SLCO3A1: variants seen among roughly 807,000 people sequenced by gnomAD.
The protein encoded by SLCO3A1 is PGE1 transporter.
In SLCO3A1, 27 loss-of-function variants were observed where a neutral mutation model predicts 63.1. That is an observed-to-expected ratio of 0.43 (90% confidence interval 0.32 to 0.59). The LOEUF (loss-of-function observed/expected upper bound fraction) is 0.59, where lower values mean the gene tolerates loss of function less well. SLCO3A1 is among the 20% of genes least tolerant of loss of function. The pLI, the probability that SLCO3A1 is intolerant of heterozygous loss-of-function variation, is 0.09. For missense variants in SLCO3A1, 773 were observed against 945.8 expected, an observed-to-expected ratio of 0.82 and a Z score of 2.40; for synonymous variants, 473 against 409.9, an observed-to-expected ratio of 1.15 and a Z score of -1.86.
chr15:92,153,835 C>T (rs1043175906), intron 9 of SLCO3A1, among the ~76,000 whole-genome samples: 2 of 152,014 alleles, frequency 1.3e-5, no homozygotes, highest in Non-Finnish European at 2.9e-5. Context: ...TGTTTGGGGG[C>T]TGCAGAAGGC....
intron 2 of SLCO3A1, among the ~76,000 whole-genome samples, chr15:91,924,275 A>C (rs772193301): frequency 2.9e-4 from 44 of 152,094 alleles, no homozygotes; most frequent in Admixed American, 1.0e-3. Context: ...TGGGAGTGCA[A>C]AGTTAGTGTT....
Position 91,886,156 on chromosome 15 carries a change from C to G in SLCO3A1, c.181-29837C>G, listed in dbSNP as rs1365267167. On this transcript the variant is annotated intron_variant, in intron 1 of 9. Transcript: ENST00000318445. The surrounding 1 kb of genome is among the most constrained non-coding windows in gnomAD (Gnocchi z 4.9). ...CTGCATTTTTGCCTTTGATTGTTCCCTTTCTTGAGTGTGTCCTGCGCTTCC... is the reference window on the plus strand; with the variant it reads ...CTGCATTTTTGCCTTTGATTGTTCCGTTTCTTGAGTGTGTCCTGCGCTTCC... Among the ~76,000 whole-genome samples the G allele has an allele frequency of 6.6e-6, 1 of 152,184 alleles. No individual in the cohort carries two copies. The highest frequency in any genetic ancestry group is 1.9e-4 in the East Asian group (1 of 5,192).
At chr15:91,986,071 A>G (rs941192636) in intron 2 of SLCO3A1, among the ~76,000 whole-genome samples, 1 of 152,190 alleles carries the variant, frequency 6.6e-6, no homozygotes, top group Non-Finnish European at 1.5e-5. Flanking sequence ...GAGGAGCGTG[A>G]CAAGGTGAAA....
chr15:91,957,486 C>T (rs1053094974), intron 2 of SLCO3A1, among the ~76,000 whole-genome samples: 15 of 151,970 alleles, frequency 9.9e-5, no homozygotes, highest in Non-Finnish European at 1.9e-4. Flanking sequence ...CTGGTGGCAT[C>T]TTCTTGCTTT....
intron 2 of SLCO3A1, among the ~76,000 whole-genome samples, chr15:91,964,743 GTT>G (rs538771710): frequency 5.1e-5 from 7 of 136,014 alleles, no homozygotes; most frequent in African/African-American, 1.8e-4. Context: ...AAATTAGATA[GTT>G]TTTTTTTTTT....
At chr15:92,143,985 G>A (rs1054109055) in intron 7 of SLCO3A1, among the ~76,000 whole-genome samples, 2 of 152,212 alleles carry the variant, frequency 1.3e-5, no homozygotes, top group African/African-American at 2.4e-5. Flanking sequence ...TGGGCATGGC[G>A]CCTCCACTGG....
At chr15:91,964,766 C>T (rs901639120) in intron 2 of SLCO3A1, among the ~76,000 whole-genome samples, 1 of 151,026 alleles carries the variant, frequency 6.6e-6, no homozygotes, top group Admixed American at 6.6e-5. Flanking sequence ...TAATGTACTT[C>T]GAGTATGTTC....
chr15:92,038,909 T>C (rs766415157), intron 2 of SLCO3A1, among the ~76,000 whole-genome samples: 18 of 152,094 alleles, frequency 1.2e-4, no homozygotes, highest in Non-Finnish European at 2.6e-4. Context: ...AAAAGACATA[T>C]AGACCAATGG....
At position 91,916,537 on chromosome 15, in the gene SLCO3A1, T is replaced by G; in HGVS notation, c.646+79T>G. Reference sequence around the variant, plus strand: ...TAAAAGGTGGCCTGGTGGACTTTGATTTTGCCAGAGTACTGGTTCTCAGAC... The same window carrying G: ...TAAAAGGTGGCCTGGTGGACTTTGAGTTTGCCAGAGTACTGGTTCTCAGAC... On this transcript the variant is annotated intron_variant, in intron 2 of 9. Transcript: ENST00000318445. The surrounding 1 kb of genome is among the most constrained non-coding windows in gnomAD (Gnocchi z 6.2). 1.8e-6 allele frequency: 2 copies of G among 1,121,558 alleles called. No individual in the cohort carries two copies. The highest frequency in any genetic ancestry group is 2.5e-6 in the Non-Finnish European group (2 of 789,306). 69.5% of individuals were successfully genotyped at this position (1,121,558 alleles called of 1,614,324 possible).
Position 92,126,236 on chromosome 15 carries a change from G to T in SLCO3A1, c.1350G>T (p.Gly450=), listed in dbSNP as rs1471220623. ...FLGCDTGPVA[G]VTVPYGNSTA... is the part of the protein sequence containing the mutation. ...GCTGCGACACTGGCCCTGTGGCTGG[G>T]GTTACTGTTCCCTATGGAAACAGGT... Residue 450 remains glycine (G), a synonymous_variant, in exon 6 of 10, where the codon GGG becomes GGT. Coordinates refer to ENST00000318445, the MANE Select transcript of SLCO3A1 (RefSeq NM_013272.4). The T allele has an allele frequency of 1.9e-6, 3 of 1,613,882 alleles. No individual in the cohort carries two copies. Among genetic ancestry groups the T allele is most frequent in the African/African-American group, 1.3e-5 (1 of 74,868 alleles).
downstream of SLCO3A1, among the ~76,000 whole-genome samples, chr15:92,168,965 C>T (rs779665287): frequency 5.3e-5 from 8 of 152,136 alleles, no homozygotes; most frequent in East Asian, 1.9e-4. Context: ...ATTCCAGATA[C>T]CAAAGAGTAT....
chr15:91,976,604 G>A (rs1022499336), intron 2 of SLCO3A1, among the ~76,000 whole-genome samples: 6 of 152,076 alleles, frequency 3.9e-5, no homozygotes, highest in Admixed American at 6.5e-5. Flanking sequence ...ACCAGATATC[G>A]GGGAATCTGC....
chr15:91,898,868 G>T (rs1898077392), intron 1 of SLCO3A1, among the ~76,000 whole-genome samples: 2 of 152,194 alleles, frequency 1.3e-5, no homozygotes, highest in African/African-American at 2.4e-5. Flanking sequence ...TCTTGGAGGT[G>T]ATAATGAAGA....
chr15:92,027,006 C>G (rs1027949996), intron 2 of SLCO3A1, among the ~76,000 whole-genome samples: 3 of 151,520 alleles, frequency 2.0e-5, no homozygotes, highest in Non-Finnish European at 4.4e-5. Flanking sequence ...AGGAGAATCA[C>G]TTGAACCCAG....
chr15:91,992,449 G>A (rs1874167029), intron 2 of SLCO3A1, among the ~76,000 whole-genome samples: 1 of 152,188 alleles, frequency 6.6e-6, no homozygotes, highest in Admixed American at 6.5e-5. Context: ...CTGACTACAT[G>A]ATTTGTGTGT....
chr15:91,876,671 GGTA>G (rs1320930516), intron 1 of SLCO3A1, among the ~76,000 whole-genome samples: 1 of 152,214 alleles, frequency 6.6e-6, no homozygotes, highest in Non-Finnish European at 1.5e-5. Flanking sequence ...CTGGATAAGT[GGTA>G]GGTTCCGGAG....
At chr15:92,008,076 A>G (rs1375296970) in intron 2 of SLCO3A1, among the ~76,000 whole-genome samples, 1 of 152,194 alleles carries the variant, frequency 6.6e-6, no homozygotes, top group Non-Finnish European at 1.5e-5. Flanking sequence ...CACAGGTGCC[A>G]TTGCTTGAAT....
At chr15:91,963,411 G>T (rs528007852) in intron 2 of SLCO3A1, among the ~76,000 whole-genome samples, 7 of 120,548 alleles carry the variant, frequency 5.8e-5, no homozygotes, top group Admixed American at 2.6e-4. Flanking sequence ...GGGAGGGTGG[G>T]GGGGGGGGGC....
At chr15:92,088,716 G>T (rs2047435185) in intron 2 of SLCO3A1, among the ~76,000 whole-genome samples, 1 of 152,140 alleles carries the variant, frequency 6.6e-6, no homozygotes, top group South Asian at 2.1e-4. Context: ...TTCAAAGCCA[G>T]CATGACTAGT....
Sources: gnomAD v4.1 joint callset for allele counts (sites outside exome capture counted in the v4.1 genomes callset) on GRCh38, gnomAD v4.1.1 for gene constraint, Gnocchi (gnomAD v3.1) non-coding constraint, MANE v1.5 for transcripts, NCBI Gene and HGNC (gene_info 2026-07-23, HGNC 2026-07-21) for gene names.